DGKB: variants seen among roughly 807,000 people sequenced by gnomAD.
DGKB encodes the protein diacylglycerol kinase beta, also known as 90 kDa diacylglycerol kinase.
A neutral mutation model predicts 114.3 loss-of-function variants in DGKB; 67 were observed. The observed-to-expected ratio is 0.59, with a 90% CI of 0.48 to 0.72. The LOEUF is 0.72. DGKB is among the 30% of genes least tolerant of loss of function. The probability of loss-of-function intolerance (pLI) is 0.00; values close to 1 mark genes in which losing one functional copy is unlikely to be tolerated. For synonymous variants in DGKB, 398 were observed against 323.1 expected, an observed-to-expected ratio of 1.23 and a Z score of -2.49; for missense variants, 907 against 975.2, an observed-to-expected ratio of 0.93 and a Z score of 0.93.
At chr7:14,895,451 C>A (rs1386294133) in intron 1 of DGKB, among the ~76,000 whole-genome samples, 1 of 151,560 alleles carries the variant, frequency 6.6e-6, no homozygotes, top group African/African-American at 2.4e-5. Flanking sequence ...GCTTGTTCTC[C>A]TATTAATTAT....
At chr7:14,385,524 T>G (rs911562077) in intron 21 of DGKB, among the ~76,000 whole-genome samples, 1 of 152,162 alleles carries the variant, frequency 6.6e-6, no homozygotes, top group African/African-American at 2.4e-5. Flanking sequence ...AATAAAAGAA[T>G]TCCTAAGTAA....
intron 23 of DGKB, among the ~76,000 whole-genome samples, chr7:14,232,799 T>C (rs1202511957): frequency 6.6e-6 from 1 of 152,002 alleles, no homozygotes; most frequent in Admixed American, 6.6e-5. Flanking sequence ...AATGAAGAGG[T>C]ACTTGTAAGA....
intron 9 of DGKB, 35 bp from the exon 10 acceptor site, chr7:14,685,397 A>AG: frequency 6.9e-7 from 1 of 1,451,576 alleles, no homozygotes; most frequent in Non-Finnish European, 9.7e-7. Flanking sequence ...ATTTCACTTA[A>AG]TGAAATAAAC....
In DGKB at chr7:14,489,206, A is replaced by T. The variant is rs187903313; in HGVS notation, c.1771-10981T>A. Among the ~76,000 whole-genome samples the T allele has an allele frequency of 2.0e-3, 302 of 152,284 alleles. 1 individual carries two copies. Among genetic ancestry groups the T allele is most frequent in the African/African-American group, 7.0e-3 (291 of 41,568 alleles). On this transcript the variant is annotated intron_variant, in intron 20 of 25. Transcript: ENST00000402815. Reference sequence around the variant, plus strand: ...ATAGAATCCTTATTTCATAGTTTCCATTCCTCTTTCCCAATTAGAAAACAA... The same window carrying T: ...ATAGAATCCTTATTTCATAGTTTCCTTTCCTCTTTCCCAATTAGAAAACAA...
chr7:14,858,686 A>C (rs1169191412), intron 1 of DGKB, among the ~76,000 whole-genome samples: 1 of 152,144 alleles, frequency 6.6e-6, no homozygotes, highest in African/African-American at 2.4e-5. Context: ...ATCAAGGAGT[A>C]AAGGAAAAGA....
At chr7:14,358,082 T>A (rs1400251619) in intron 21 of DGKB, among the ~76,000 whole-genome samples, 1 of 152,198 alleles carries the variant, frequency 6.6e-6, no homozygotes, top group Non-Finnish European at 1.5e-5. Context: ...GGGGTTGCTC[T>A]TCTCAAGGAG....
intron 23 of DGKB, among the ~76,000 whole-genome samples, chr7:14,313,859 C>G (rs1282669800): frequency 6.6e-6 from 1 of 152,208 alleles, no homozygotes; most frequent in Admixed American, 6.5e-5. Context: ...ACAGCAGTAA[C>G]CTCTGCAGAC....
chr7:14,527,957 A>T (rs1028176245), intron 20 of DGKB, among the ~76,000 whole-genome samples: 5 of 152,078 alleles, frequency 3.3e-5, no homozygotes, highest in Non-Finnish European at 7.4e-5. Flanking sequence ...AGTAAGATGG[A>T]AATTTTTAGT....
At chr7:14,414,469 G>T (rs1007942401) in intron 21 of DGKB, among the ~76,000 whole-genome samples, 1 of 152,116 alleles carries the variant, frequency 6.6e-6, no homozygotes, top group African/African-American at 2.4e-5. Context: ...GCCAGGCACC[G>T]GGTTTGGTTT....
At chr7:14,863,082 C>A (rs1156689191) in intron 1 of DGKB, among the ~76,000 whole-genome samples, 1 of 151,294 alleles carries the variant, frequency 6.6e-6, no homozygotes, top group African/African-American at 2.4e-5. Context: ...TGCTTGATAT[C>A]ATTTTTAATA....
chr7:14,522,362 G>A (rs73057439), intron 20 of DGKB, among the ~76,000 whole-genome samples: 202 of 152,198 alleles, frequency 1.3e-3, no homozygotes, highest in Middle Eastern at 3.4e-3. Context: ...TATATGCGGC[G>A]TTTATCAAGC....
chr7:14,555,007 C>A (rs1795676257), intron 20 of DGKB, among the ~76,000 whole-genome samples: 1 of 152,062 alleles, frequency 6.6e-6, no homozygotes, highest in African/African-American at 2.4e-5. Flanking sequence ...TTCTAGATTT[C>A]TTGCTGGTCT....
At chr7:14,505,714 T>C (rs1786936123) in intron 20 of DGKB, among the ~76,000 whole-genome samples, 2 of 152,162 alleles carry the variant, frequency 1.3e-5, no homozygotes. Flanking sequence ...TAGCAGACCT[T>C]CCTCAAGAAG....
In DGKB at chr7:14,900,818, T is replaced by A. The variant is rs181397658; in HGVS notation, c.-188+1774A>T. On this transcript the variant is annotated intron_variant, in intron 1 of 25. Transcript: ENST00000402815. Reference sequence around the variant, plus strand: ...ACATAAGTTTCTAGATTTAAAAAAATTTTGTCAAATTTTTATCAGTGCTCT... The same window carrying A: ...ACATAAGTTTCTAGATTTAAAAAAAATTTGTCAAATTTTTATCAGTGCTCT... Among the ~76,000 whole-genome samples the A allele has an allele frequency of 2.5e-3, 387 of 152,268 alleles. 1 individual carries two copies. Among genetic ancestry groups the A allele is most frequent in the Non-Finnish European group, 4.5e-3 (305 of 68,002 alleles).
chr7:14,870,133 T>C (rs1329656330), intron 1 of DGKB, among the ~76,000 whole-genome samples: 1 of 152,134 alleles, frequency 6.6e-6, no homozygotes, highest in Non-Finnish European at 1.5e-5. Flanking sequence ...AAAACCTTTC[T>C]AAACCTAACT....
chr7:14,806,257 C>A (rs4719424), intron 2 of DGKB, among the ~76,000 whole-genome samples: 9,886 of 151,944 alleles, frequency 0.065, 475 homozygotes, highest in African/African-American at 0.13. Context: ...ATTCTTCATC[C>A]AATTGATATT....
At chr7:14,852,497 A>AAAAAAAAAAAAAAAAAAAAAC (rs57418853) in intron 1 of DGKB, among the ~76,000 whole-genome samples, 15 of 138,472 alleles carry the variant, frequency 1.1e-4, no homozygotes, top group Non-Finnish European at 1.1e-4. Flanking sequence ...CAAAAAAAAA[A>AAAAAAAAAAAAAAAAAAAAAC]CAGAAATCAA....
At chr7:14,469,582 G>T (rs1310740446) in intron 21 of DGKB, among the ~76,000 whole-genome samples, 3 of 151,996 alleles carry the variant, frequency 2.0e-5, no homozygotes, top group Non-Finnish European at 4.4e-5. Flanking sequence ...ACAGAAGTAA[G>T]TGTTCTGGTT....
chr7:14,925,368 A>G (rs1246144203), intron 1 of DGKB, among the ~76,000 whole-genome samples: 2 of 152,178 alleles, frequency 1.3e-5, no homozygotes, highest in Non-Finnish European at 2.9e-5. Flanking sequence ...TATTTTGCGC[A>G]TATTTTTAGG....
Sources: allele counts gnomAD v4.1 joint callset (sites outside exome capture counted in the v4.1 genomes callset), GRCh38; gene constraint gnomAD v4.1.1; transcripts MANE v1.5; gene names NCBI Gene and HGNC (gene_info 2026-07-23, HGNC 2026-07-21).